FARS2: variants seen among roughly 807,000 people sequenced by gnomAD.
FARS2 encodes the protein phenylalanine--tRNA ligase, mitochondrial.
In FARS2, 40 loss-of-function variants were observed where a neutral mutation model predicts 46.4. The ratio of observed to expected loss-of-function variants is 0.86; its 90% confidence interval spans 0.67 to 1.12. FARS2 has a LOEUF of 1.12. FARS2 is among the 50% of genes most tolerant of loss of function. The pLI is 0.00. For missense variants in FARS2, 513 were observed against 567.9 expected, an observed-to-expected ratio of 0.90 and a Z score of 0.98; for synonymous variants, 234 against 214.9, an observed-to-expected ratio of 1.09 and a Z score of -0.78.
chr6:5,317,450 A>G (rs904932410), intron 1 of FARS2, among the ~76,000 whole-genome samples: 2 of 152,196 alleles, frequency 1.3e-5, no homozygotes, highest in Admixed American at 1.3e-4. Flanking sequence ...TCTGCAGCTC[A>G]GACTCTGAGT....
intron 1 of FARS2, among the ~76,000 whole-genome samples, chr6:5,346,825 G>C (rs1023145146): frequency 6.6e-6 from 1 of 151,486 alleles, no homozygotes; most frequent in Non-Finnish European, 1.5e-5. Flanking sequence ...TAATTAGCTG[G>C]AGTTCAACAT....
intron 1 of FARS2, among the ~76,000 whole-genome samples, chr6:5,282,725 G>A (rs567349618): frequency 6.6e-6 from 1 of 152,328 alleles, no homozygotes; most frequent in East Asian, 1.9e-4. Flanking sequence ...GGTGCCTAGC[G>A]TCAATCAGAG....
At chr6:5,700,613 G>T (rs550512369) in intron 6 of FARS2, among the ~76,000 whole-genome samples, 2 of 152,230 alleles carry the variant, frequency 1.3e-5, no homozygotes, top group East Asian at 3.9e-4. Flanking sequence ...GGCCAGGCTG[G>T]TCTCGAACTC....
intron 6 of FARS2, among the ~76,000 whole-genome samples, chr6:5,634,032 T>C (rs1776423852): frequency 1.3e-5 from 2 of 152,218 alleles, no homozygotes; most frequent in African/African-American, 2.4e-5. Context: ...ATTTTTTTCA[T>C]CAATTTTTGT....
chr6:5,554,568 G>T (rs752555087), intron 5 of FARS2, among the ~76,000 whole-genome samples: 2 of 152,150 alleles, frequency 1.3e-5, no homozygotes, highest in Non-Finnish European at 2.9e-5. Context: ...AGCAATCACA[G>T]TTCAATACAC....
At chr6:5,280,394 A>G (rs1766637949) in intron 1 of FARS2, among the ~76,000 whole-genome samples, 1 of 152,190 alleles carries the variant, frequency 6.6e-6, no homozygotes, top group Non-Finnish European at 1.5e-5. Context: ...AGAGATGCGA[A>G]ATGACAGGCA....
chr6:5,277,644 G>C (rs1561926348), intron 1 of FARS2, among the ~76,000 whole-genome samples: 1 of 152,094 alleles, frequency 6.6e-6, no homozygotes, highest in Non-Finnish European at 1.5e-5. Flanking sequence ...ACTAAAATCT[G>C]TTTCTGTGTT....
chr6:5,567,490 A>C (rs1772388945), intron 5 of FARS2, among the ~76,000 whole-genome samples: 1 of 152,196 alleles, frequency 6.6e-6, no homozygotes, highest in South Asian at 2.1e-4. Flanking sequence ...TATATATCAC[A>C]TTTAGACCAT....
At chr6:5,416,641 G>A (rs76841661) in intron 3 of FARS2, among the ~76,000 whole-genome samples, 5,611 of 152,018 alleles carry the variant, frequency 0.037, 139 homozygotes, top group Non-Finnish European at 0.058. Context: ...TGATGTTGTT[G>A]GATTGAAATG....
At position 5,636,258 on chromosome 6, in the gene FARS2, T is replaced by C. The variant is rs140364002; in HGVS notation, c.1217+22938T>C. Among the ~76,000 whole-genome samples, 163 of 152,344 alleles carry C rather than the reference T, an allele frequency of 1.1e-3. 1 individual carries two copies. Among genetic ancestry groups the C allele is most frequent in the African/African-American group, 3.7e-3 (152 of 41,574 alleles). On this transcript the variant is annotated intron_variant, in intron 6 of 6. Coordinates refer to ENST00000274680, the MANE Select transcript of FARS2 (RefSeq NM_006567.5). ...TCGCTGTGAAGTTCCCTCTATGTGATAGCAGGGTTGAGAAAATTTGATTAC... is the reference window on the plus strand; with the variant it reads ...TCGCTGTGAAGTTCCCTCTATGTGACAGCAGGGTTGAGAAAATTTGATTAC...
chr6:5,689,884 T>C (rs1053458214), intron 6 of FARS2, among the ~76,000 whole-genome samples: 1 of 152,220 alleles, frequency 6.6e-6, no homozygotes, highest in Non-Finnish European at 1.5e-5. Flanking sequence ...TGGGTGCTCC[T>C]GTATTGGGTG....
In FARS2 at chr6:5,545,285, A is replaced by G; in HGVS notation, c.1010A>G (p.Glu337Gly). The change falls in exon 5 of 7, where the codon GAG becomes GGG. Residue 337 changes from glutamate (E) to glycine (G), a missense_variant. Coordinates refer to ENST00000274680, the MANE Select transcript of FARS2 (RefSeq NM_006567.5). ...ATCCGTCTCTTCTGGTGTGAGGACG[A>G]GCGCTTCCTGAAGCAGTTCTGTGTA... ...PDIRLFWCED[E>G]RFLKQFCVSN... 6.2e-7 allele frequency: 1 copy of G among 1,614,100 alleles called. No individual in the cohort carries two copies. Among genetic ancestry groups the G allele is most frequent in the Non-Finnish European group, 8.5e-7 (1 of 1,179,964 alleles).
intron 1 of FARS2, among the ~76,000 whole-genome samples, chr6:5,280,392 G>A (rs576890579): frequency 7.9e-5 from 12 of 152,294 alleles, no homozygotes; most frequent in South Asian, 4.1e-4. Context: ...CAAGAGATGC[G>A]AAATGACAGG....
intron 3 of FARS2, among the ~76,000 whole-genome samples, chr6:5,411,155 T>G (rs1218552556): frequency 6.6e-6 from 1 of 152,206 alleles, no homozygotes. Context: ...GGCTCACGCC[T>G]GTAGTCCCAG....
At chr6:5,625,511 G>A (rs768872113) in intron 6 of FARS2, among the ~76,000 whole-genome samples, 2 of 152,200 alleles carry the variant, frequency 1.3e-5, no homozygotes, top group Admixed American at 6.5e-5. Flanking sequence ...GCCCCGGGGG[G>A]AGGGACTGAT....
chr6:5,499,257 A>AT (rs1189386211), intron 4 of FARS2, among the ~76,000 whole-genome samples: 1 of 152,022 alleles, frequency 6.6e-6, no homozygotes, highest in Non-Finnish European at 1.5e-5. Flanking sequence ...GAGAGTGGAC[A>AT]TTTTTTTCTG....
intron 6 of FARS2, among the ~76,000 whole-genome samples, chr6:5,709,584 G>A (rs1425237072): frequency 1.3e-5 from 2 of 152,072 alleles, no homozygotes; most frequent in Admixed American, 1.3e-4. Context: ...CTACCTCACT[G>A]TTTTAGAAGG....
At chr6:5,301,802 T>TACAC (rs143654686) in intron 1 of FARS2, among the ~76,000 whole-genome samples, 14,015 of 132,198 alleles carry the variant, frequency 0.11, 717 homozygotes, top group South Asian at 0.15. Context: ...CACACACACA[T>TACAC]ACACACACAC....
intron 1 of FARS2, among the ~76,000 whole-genome samples, chr6:5,363,408 CCTT>C (rs1758445206): frequency 6.6e-6 from 1 of 151,988 alleles, no homozygotes; most frequent in Non-Finnish European, 1.5e-5. Flanking sequence ...AAAGAGGCAG[CCTT>C]CTTTGTTTTG....
Sources: allele counts gnomAD v4.1 joint callset (sites outside exome capture counted in the v4.1 genomes callset), GRCh38; gene constraint gnomAD v4.1.1; transcripts MANE v1.5; gene names NCBI Gene and HGNC (gene_info 2026-07-23, HGNC 2026-07-21).